Variants in FOXN3 observed in about 807,000 individuals in gnomAD.
FOXN3 encodes the protein forkhead box N3, also known as forkhead box protein N3.
A neutral mutation model predicts 38.4 loss-of-function variants in FOXN3; 7 were observed. The ratio of observed to expected loss-of-function variants is 0.18; its 90% CI spans 0.10 to 0.34. The LOEUF is 0.34. FOXN3 is among the 10% of genes least tolerant of loss of function. FOXN3 has a pLI of 1.00. For synonymous variants in FOXN3, 230 were observed against 242.2 expected (o/e 0.95, Z 0.47); for missense variants, 456 against 613.4 (o/e 0.74, Z 2.71).
At chr14:89,266,869 G>A (rs756521212) in intron 4 of FOXN3, among the ~76,000 whole-genome samples, 4 of 152,072 alleles carry the variant, frequency 2.6e-5, no homozygotes, top group South Asian at 2.1e-4. Flanking sequence ...CAAAAGAGAC[G>A]CCATTGTATT....
At chr14:89,495,735 T>C (rs1477534430) in intron 1 of FOXN3, among the ~76,000 whole-genome samples, 1 of 152,190 alleles carries the variant, frequency 6.6e-6, no homozygotes, top group African/African-American at 2.4e-5. Flanking sequence ...TCACAAAGCA[T>C]TTTGACATAG....
At chr14:89,268,720 C>A (rs1886057460) in intron 4 of FOXN3, among the ~76,000 whole-genome samples, 1 of 152,170 alleles carries the variant, frequency 6.6e-6, no homozygotes, top group Non-Finnish European at 1.5e-5. Flanking sequence ...CTGGCCTGGA[C>A]TGGGCCACGT....
At position 89,531,986 on chromosome 14, in the gene FOXN3, G is replaced by T. The variant is rs955008765; in HGVS notation, c.-15+87042C>A. 7.7e-4 allele frequency among the ~76,000 whole-genome samples: 117 copies of T among 152,122 alleles called. 2 individuals are homozygous for T. The highest frequency in any genetic ancestry group is 2.2e-4 in the Non-Finnish European group (15 of 68,026). ...ACCACACCTGGCCTTAAACTCCAGC[G>T]GTTCTTAAAGTATCATACCTGGACT... On this transcript the variant is annotated intron_variant, in intron 1 of 6. Coordinates refer to the FOXN3 transcript ENST00000345097.
chr14:89,185,380 T>A (rs2139801489), intron 4 of FOXN3, among the ~76,000 whole-genome samples: 1 of 152,324 alleles, frequency 6.6e-6, no homozygotes, highest in Non-Finnish European at 1.5e-5. Context: ...GGCCCACAGT[T>A]CACTACTCTA....
chr14:89,317,550 G>A (rs920762802), intron 3 of FOXN3, among the ~76,000 whole-genome samples: 4 of 152,168 alleles, frequency 2.6e-5, no homozygotes, highest in African/African-American at 9.7e-5. Flanking sequence ...AATTTCAGCA[G>A]GGGTAAAGTG....
intron 4 of FOXN3, among the ~76,000 whole-genome samples, chr14:89,280,489 A>G (rs372811653): frequency 6.6e-6 from 1 of 152,206 alleles, no homozygotes; most frequent in Non-Finnish European, 1.5e-5. Flanking sequence ...TTCCAGGTAC[A>G]TGTAGATGTT....
intron 3 of FOXN3, among the ~76,000 whole-genome samples, chr14:89,343,148 T>G (rs1888662312): frequency 1.3e-5 from 2 of 152,216 alleles, no homozygotes; most frequent in South Asian, 4.1e-4. Context: ...AATTAAAAAA[T>G]TATTGGATCC....
At chr14:89,467,647 T>G (rs1892998549) in intron 1 of FOXN3, among the ~76,000 whole-genome samples, 1 of 148,492 alleles carries the variant, frequency 6.7e-6, no homozygotes, top group South Asian at 2.1e-4. Flanking sequence ...ACATATGGGG[T>G]CTCACTGTGT....
chr14:89,567,357 C>G (rs1002750273), intron 1 of FOXN3, among the ~76,000 whole-genome samples: 5 of 152,036 alleles, frequency 3.3e-5, no homozygotes, highest in African/African-American at 1.2e-4. Flanking sequence ...GGGGTATAAA[C>G]CTAGGTATGA....
chr14:89,528,832 A>T (rs1181518660), intron 1 of FOXN3, among the ~76,000 whole-genome samples: 3 of 152,182 alleles, frequency 2.0e-5, no homozygotes, highest in Non-Finnish European at 4.4e-5. Flanking sequence ...CAGAGACAAA[A>T]TAGTTGTTGC....
rs562841681 is a variant in FOXN3, at chr14:89,180,686, G to A, written c.851+15C>T. On this transcript the variant is annotated intron_variant, in intron 5 of 5. Transcript: ENST00000557258. Reference sequence around the variant, plus strand: ...ACTCCCCAGGCTGGCTCTGCCCAGCGCACTCCCCACTTACCTCATGGCCGC... The same window carrying A: ...ACTCCCCAGGCTGGCTCTGCCCAGCACACTCCCCACTTACCTCATGGCCGC... 2.0e-5 allele frequency: 32 copies of A among 1,582,278 alleles called. No individual in the cohort carries two copies. The highest frequency in any genetic ancestry group is 5.8e-5 in the South Asian group (5 of 86,726).
chr14:89,390,490 T>TAAAAA (rs376776864), intron 2 of FOXN3, among the ~76,000 whole-genome samples: 14 of 130,176 alleles, frequency 1.1e-4, no homozygotes, highest in South Asian at 2.4e-4. Context: ...AGCTGCTTTT[T>TAAAAA]AAAAAAAAAA....
At chr14:89,381,310 T>C (rs946283012) in intron 2 of FOXN3, among the ~76,000 whole-genome samples, 4 of 152,168 alleles carry the variant, frequency 2.6e-5, no homozygotes, top group Non-Finnish European at 5.9e-5. Flanking sequence ...CCAGGATTCC[T>C]TGGGTGACTC....
intron 4 of FOXN3, among the ~76,000 whole-genome samples, chr14:89,212,458 A>G (rs1486532845): frequency 6.6e-6 from 1 of 152,136 alleles, no homozygotes; most frequent in Non-Finnish European, 1.5e-5. Flanking sequence ...ATGCTGCAGA[A>G]AGGCTGGGTT....
chr14:89,362,374 ACCACCT>A lies in FOXN3; in HGVS notation c.544-11572_544-11567del, dbSNP rs1474981124. Among the ~76,000 whole-genome samples, 2 of 2,678 alleles carry A rather than the reference ACCACCT, an allele frequency of 7.5e-4. 1 individual carries two copies. Among genetic ancestry groups the A allele is most frequent in the African/African-American group, 8.5e-4 (2 of 2,362 alleles). The allele number at this position is 2,678 out of a possible 152,430, so 1.8% of individuals were successfully genotyped here. A position where few individuals can be genotyped will look rare whatever the true frequency, so the allele number is the denominator to read the frequency against. The stretch of plus-strand genomic sequence containing the variant: ...CACCACCTCCTCCTCCTCCTCCACC[ACCACCT>A]CCACCACCACCACCTCCAGCACCAC... On this transcript the variant is annotated intron_variant, in intron 2 of 5. Coordinates refer to ENST00000557258, the MANE Select transcript of FOXN3 (RefSeq NM_005197.4).
At chr14:89,230,983 A>G (rs1884790623) in intron 4 of FOXN3, 1 of 397,394 alleles carries the variant, frequency 2.5e-6, no homozygotes, top group African/African-American at 2.1e-5. Flanking sequence ...CATAGCCACT[A>G]GCTCTGCGGG....
intron 1 of FOXN3, among the ~76,000 whole-genome samples, chr14:89,448,318 G>GA (rs1210925242): frequency 6.6e-6 from 1 of 152,156 alleles, no homozygotes; most frequent in East Asian, 1.9e-4. Context: ...TTTGTGGGAA[G>GA]AAAATGGAGC....
intron 1 of FOXN3, among the ~76,000 whole-genome samples, chr14:89,454,485 C>G (rs950431406): frequency 6.6e-6 from 1 of 152,152 alleles, no homozygotes; most frequent in Non-Finnish European, 1.5e-5. Context: ...CCTGAGCTGA[C>G]AAAGACATAT....
chr14:89,574,684 A>G (rs535508198), intron 1 of FOXN3, among the ~76,000 whole-genome samples: 7 of 152,114 alleles, frequency 4.6e-5, no homozygotes, highest in Admixed American at 2.6e-4. Flanking sequence ...TTACATCCCT[A>G]TGTTGGAATC....
Sources: gnomAD v4.1 joint callset for allele counts (sites outside exome capture counted in the v4.1 genomes callset) on GRCh38, gnomAD v4.1.1 for gene constraint, MANE v1.5 for transcripts, NCBI Gene and HGNC (gene_info 2026-07-23, HGNC 2026-07-21) for gene names.